Variants in PPP1R10 observed in about 807,000 individuals in gnomAD.
PPP1R10 encodes the protein protein phosphatase 1 regulatory subunit 10, also known as serine/threonine-protein phosphatase 1 regulatory subunit 10.
A neutral mutation model predicts 99.0 loss-of-function variants in PPP1R10; 15 were observed. That is an observed-to-expected ratio of 0.15 (90% CI 0.10 to 0.23). The LOEUF (loss-of-function observed/expected upper bound fraction) is 0.23, where lower values mean the gene tolerates loss of function less well. Among genes scored for constraint, PPP1R10 ranks in the 10% least tolerant of loss-of-function variants. The pLI is 1.00. For missense variants in PPP1R10, 947 were observed against 1,259.4 expected (o/e 0.75, Z 3.75); for synonymous variants, 430 against 449.5 (o/e 0.96, Z 0.55).
intron 17 of PPP1R10, 86 bp downstream of exon 17, chr6:30,603,121 GTAT>G (rs1803545612): frequency 6.7e-7 from 1 of 1,486,794 alleles, no homozygotes. Context: ...CCACAGCCCT[GTAT>G]TCTTCTGCAT....
chr6:30,607,818 G>C, intron 6 of PPP1R10, 22 bp downstream of exon 6: 1 of 1,606,650 alleles, frequency 6.2e-7, no homozygotes, highest in Non-Finnish European at 8.5e-7. Context: ...AAGCCCATGA[G>C]AGAGCAGAAG....
chr6:30,610,639 T>C lies in PPP1R10; in HGVS notation c.-11-684A>G, dbSNP rs146574978. On this transcript the variant is annotated intron_variant, in intron 2 of 19. Transcript: ENST00000376511. ...CAAGCAGGTCCTCCTAGACCTTGAA[T>C]AGACTGTCACTCATTAGCCAAACAC... Among the ~76,000 whole-genome samples the C allele has an allele frequency of 6.2e-4, 94 of 152,328 alleles. 1 individual carries two copies. In the East Asian group the frequency reaches 0.018, roughly 28 times the overall value.
chr6:30,611,033 G>A (rs1022421306), intron 2 of PPP1R10, among the ~76,000 whole-genome samples: 1 of 152,202 alleles, frequency 6.6e-6, no homozygotes, highest in Admixed American at 6.5e-5. Context: ...AAGAGGCTGG[G>A]TGCAGTGGCT....
rs1206793724 is a variant in PPP1R10 at position 30,607,827 on chromosome 6, A to C, written c.382+13T>G. On this transcript the variant is annotated intron_variant, in intron 6 of 19. Coordinates refer to ENST00000376511, the MANE Select transcript of PPP1R10 (RefSeq NM_002714.4). ...AGAGAAAAGCCCATGAGAGAGCAGA[A>C]GTGGCACCCTACCTTCATCCTCACT... 1 of 1,611,536 alleles carries C rather than the reference A, an allele frequency of 6.2e-7. No homozygotes were observed.
chr6:30,603,292 G>C lies in PPP1R10; in HGVS notation c.1768-7C>G. ...GATGACTGTTTGGGCTACCCTGTGAGGATGTAAGAAGGCAAAGTCAACAGA... is the reference window on the plus strand; with the variant it reads ...GATGACTGTTTGGGCTACCCTGTGACGATGTAAGAAGGCAAAGTCAACAGA... On this transcript the variant is annotated splice_polypyrimidine_tract_variant and splice_region_variant and intron_variant, in intron 16 of 19. Coordinates refer to ENST00000376511, the MANE Select transcript of PPP1R10 (RefSeq NM_002714.4). 6.2e-7 allele frequency: 1 copy of C among 1,611,244 alleles called. No homozygotes were observed. Among genetic ancestry groups the C allele is most frequent in the Non-Finnish European group, 8.5e-7 (1 of 1,177,354 alleles).
chr6:30,609,831 G>C lies in PPP1R10; in HGVS notation c.107+7C>G. The C allele has an allele frequency of 6.2e-7, 1 of 1,607,268 alleles. No individual in the cohort carries two copies. Among genetic ancestry groups the C allele is most frequent in the Non-Finnish European group, 8.5e-7 (1 of 1,173,770 alleles). The stretch of plus-strand genomic sequence containing the variant: ...CACAGTGAATACAAAAAGGGGTAAA[G>C]ACTCACCTGAAGATCTTGGAAATCC... On this transcript the variant is annotated splice_region_variant and intron_variant, in intron 3 of 19. Transcript: ENST00000376511. The surrounding 1 kb of genome is among the most constrained non-coding windows in gnomAD (Gnocchi z 4.5).
chr6:30,608,274 G>GATTAC (rs890840119), intron 5 of PPP1R10, among the ~76,000 whole-genome samples: 8 of 147,510 alleles, frequency 5.4e-5, no homozygotes, highest in African/African-American at 2.0e-4. Context: ...TTACAGGTGT[G>GATTAC]AGCCACCACA....
rs747971965 is a variant in PPP1R10 at position 30,602,632 on chromosome 6, G to A, written c.2017C>T (p.Pro673Ser). ...TCCCAGAAGGGATCACCTCCCCGGG[G>A]AGGGGGTGGAGGACCCAGAAGACGT... ...GPRLLGPPPP[P>S]RGGDPFWDGP... The change falls in exon 19 of 20, where the codon CCC becomes TCC. Residue 673 changes from proline (P) to serine (S), a missense_variant. Coordinates refer to ENST00000376511, the MANE Select transcript of PPP1R10 (RefSeq NM_002714.4). This position sits in a 1 kb window ranked among gnomAD's most constrained non-coding sequence, Gnocchi z 6.7. 4.4e-6 allele frequency: 7 copies of A among 1,592,020 alleles called. No individual in the cohort carries two copies. Among genetic ancestry groups the A allele is most frequent in the Admixed American group, 3.5e-5 (2 of 56,828 alleles).
chr6:30,602,112 C>T lies in PPP1R10; in HGVS notation c.2537G>A (p.Arg846His), dbSNP rs1289336025. ...CCCGTGTCCAGGGCCTTCATGGGGA[C>T]GATGTCCACCACTTCCACCCATGCT... Reference protein sequence around the residue: ...GGSMGGSGGHRPHEGPGHGGP... With the variant: ...GGSMGGSGGHHPHEGPGHGGP... Residue 846 changes from arginine to histidine, a missense_variant, in exon 19 of 20, where the codon CGT (arginine) becomes CAT (histidine). Arg to His is a conservative substitution (Grantham distance 29). This residue lies in a region of PPP1R10 where 525 missense variants were observed against 578.8 expected (regional missense o/e 0.91). Transcript: ENST00000376511. This position sits in a 1 kb window ranked among gnomAD's most constrained non-coding sequence, Gnocchi z 6.7. 6 of 1,602,286 alleles carry T rather than the reference C, an allele frequency of 3.7e-6. No homozygotes were observed. Among genetic ancestry groups the T allele is most frequent in the South Asian group, 1.1e-5 (1 of 89,250 alleles).
Position 30,601,549 on chromosome 6 carries a change from C to CT in PPP1R10, c.2822dup (p.Ter941=). The CT allele has an allele frequency of 6.2e-7, 1 of 1,613,734 alleles. No homozygotes were observed. Among genetic ancestry groups the CT allele is most frequent in the South Asian group, 1.1e-5 (1 of 91,070 alleles). ...TGTGAACAGGGCAGGCAAATGGTCC[C>CT]TAGGGCAGGGGGGGCCCATTGACAC... ...HPGVNGPPLP[*] Residue 941 remains the stop codon, a frameshift_variant and stop_retained_variant, in exon 20 of 20, where the codon TAG becomes TAAG. Transcript: ENST00000376511. LOFTEE classifies it high-confidence loss of function.
chr6:30,609,225 G>A lies in PPP1R10; in HGVS notation c.108-62C>T, dbSNP rs566661752. 1,816 of 1,517,054 alleles carry A rather than the reference G, an allele frequency of 1.2e-3. 4 individuals are homozygous for A. The highest frequency in any genetic ancestry group is 1.5e-3 in the Non-Finnish European group (1,590 of 1,095,754). 94.0% of individuals were successfully genotyped at this position (1,517,054 alleles called of 1,614,324 possible). A position where few individuals can be genotyped will look rare whatever the true frequency, so the allele number is the denominator to read the frequency against. On this transcript the variant is annotated intron_variant, in intron 3 of 19. Coordinates refer to ENST00000376511, the MANE Select transcript of PPP1R10 (RefSeq NM_002714.4). The surrounding 1 kb of genome is among the most constrained non-coding windows in gnomAD (Gnocchi z 4.5). ...CAGTATCTCTTCTCTTAGCAAAAGC[G>A]CCTCTCTGTGAACTGCCTAGAGATT...
Position 30,604,521 on chromosome 6 carries a change from G to A in PPP1R10, c.1103-10C>T. On this transcript the variant is annotated splice_polypyrimidine_tract_variant and intron_variant, in intron 12 of 19. Coordinates refer to ENST00000376511, the MANE Select transcript of PPP1R10 (RefSeq NM_002714.4). The surrounding 1 kb of genome is among the most constrained non-coding windows in gnomAD (Gnocchi z 7.3). ...CCTGGCTCCAAAGAGGCTGGAAGCA[G>A]AAGAGGTTTCAGACCCAGATCCCTC... The A allele has an allele frequency of 6.2e-7, 1 of 1,613,018 alleles. No individual in the cohort carries two copies. Among genetic ancestry groups the A allele is most frequent in the Non-Finnish European group, 8.5e-7 (1 of 1,180,016 alleles).
At chr6:30,605,203 T>A (rs1312182812) in intron 10 of PPP1R10, 109 bp from the exon 11 acceptor site, 1 of 868,772 alleles carries the variant, frequency 1.2e-6, no homozygotes, top group Non-Finnish European at 1.8e-6. Flanking sequence ...TGCCTCAACT[T>A]AGGACACGAT....
In PPP1R10 at chr6:30,603,295, TG is replaced by T. The variant is rs1378882783; in HGVS notation, c.1768-11del. 6.2e-7 allele frequency: 1 copy of T among 1,608,704 alleles called. No individual in the cohort carries two copies. Among genetic ancestry groups the T allele is most frequent in the African/African-American group, 1.3e-5 (1 of 74,764 alleles). On this transcript the variant is annotated splice_polypyrimidine_tract_variant and intron_variant, in intron 16 of 19. Coordinates refer to ENST00000376511, the MANE Select transcript of PPP1R10 (RefSeq NM_002714.4). ...GACTGTTTGGGCTACCCTGTGAGGA[TG>T]TAAGAAGGCAAAGTCAACAGACAGA...
At chr6:30,614,044 G>A (rs573789324) in intron 2 of PPP1R10, among the ~76,000 whole-genome samples, 3 of 152,172 alleles carry the variant, frequency 2.0e-5, no homozygotes, top group East Asian at 3.9e-4. Flanking sequence ...GAACCTCCAC[G>A]CTTCAGTGCA....
At chr6:30,615,808 T>C (rs942680362) in intron 2 of PPP1R10, among the ~76,000 whole-genome samples, 2 of 152,222 alleles carry the variant, frequency 1.3e-5, no homozygotes, top group Non-Finnish European at 2.9e-5. Flanking sequence ...ATCTTGTATG[T>C]ACTGGCACTA....
chr6:30,616,847 TG>T lies in PPP1R10; in HGVS notation c.-382del, dbSNP rs1360762188. On this transcript the variant is annotated 5_prime_UTR_variant, in exon 2 of 20. Coordinates refer to ENST00000376511, the MANE Select transcript of PPP1R10 (RefSeq NM_002714.4). ...GGGCTGGTGGGGTGGGCAAGATAGG[TG>T]GGAAGGGGCAGAAGACACAAGTGGT... is the stretch of plus-strand genomic sequence containing the variant. The T allele has an allele frequency of 6.6e-6, 1 of 152,058 alleles. No homozygotes were observed. The highest frequency in any genetic ancestry group is 1.5e-5 in the Non-Finnish European group (1 of 67,994). 9.4% of individuals were successfully genotyped at this position (152,058 alleles called of 1,614,324 possible). A position where few individuals can be genotyped will look rare whatever the true frequency, so the allele number is the denominator to read the frequency against.
chr6:30,611,675 GA>G (rs945302805), intron 2 of PPP1R10, among the ~76,000 whole-genome samples: 2 of 152,128 alleles, frequency 1.3e-5, no homozygotes, highest in African/African-American at 4.8e-5. Flanking sequence ...AGCAGCAGCA[GA>G]AGCAGGGAGG....
rs1036567706 is a variant in PPP1R10, at chr6:30,606,426, C to A, written c.634+42G>T. ...ATTCCCCCATAAGGCTCTGGGTGTG[C>A]ACATGCCCATGAACCCTCCAGAGGC... On this transcript the variant is annotated intron_variant, in intron 8 of 19. Coordinates refer to ENST00000376511, the MANE Select transcript of PPP1R10 (RefSeq NM_002714.4). The surrounding 1 kb of genome is among the most constrained non-coding windows in gnomAD (Gnocchi z 6.3). 1 of 1,607,352 alleles carries A rather than the reference C, an allele frequency of 6.2e-7. No individual in the cohort carries two copies. The highest frequency in any genetic ancestry group is 1.7e-5 in the Admixed American group (1 of 59,722).
Sources: allele counts gnomAD v4.1 joint callset (sites outside exome capture counted in the v4.1 genomes callset), GRCh38; gene constraint gnomAD v4.1.1; regional missense constraint gnomAD v4.1.1; non-coding constraint Gnocchi (gnomAD v3.1); transcripts MANE v1.5; gene names NCBI Gene and HGNC (gene_info 2026-07-23, HGNC 2026-07-21).